SYBU: variants seen among roughly 807,000 people sequenced by gnomAD.
The protein encoded by SYBU is syntabulin.
SYBU carries 21 observed loss-of-function variants against 35.9 expected under a neutral mutation model. That is an observed-to-expected ratio of 0.58 (90% CI 0.41 to 0.84). The LOEUF (loss-of-function observed/expected upper bound fraction) is 0.84. Ranked by LOEUF, SYBU falls within the 40% of genes least tolerant of loss-of-function variation. The probability of loss-of-function intolerance (pLI) is 0.00; values close to 1 mark genes in which losing one functional copy is unlikely to be tolerated. For missense variants in SYBU, 768 were observed against 848.2 expected (o/e 0.91, Z 1.17); for synonymous variants, 319 against 324.3 (o/e 0.98, Z 0.18).
intron 1 of SYBU, among the ~76,000 whole-genome samples, chr8:109,658,212 G>T (rs1199219962): frequency 2.0e-5 from 3 of 152,120 alleles, no homozygotes; most frequent in Non-Finnish European, 4.4e-5. Flanking sequence ...AGGTGGCTCT[G>T]GATTCTCACT....
upstream of SYBU, chr8:109,645,708 G>A (rs1815622265): frequency 4.5e-6 from 1 of 222,986 alleles, no homozygotes; most frequent in African/African-American, 2.3e-5. Context: ...GGCGCGATCA[G>A]GGCTCACTGC....
rs369596657 is a variant in SYBU at position 109,583,713 on chromosome 8, G to A, written c.530+2347C>T. On this transcript the variant is annotated intron_variant, in intron 4 of 6. Coordinates refer to ENST00000276646, the MANE Select transcript of SYBU (RefSeq NM_001099754.2). ...CTCTAGAGGAGCTGCCCCCCCATGC[G>A]TGGCCCTCCAGAACACAAAATTTAT... Among the ~76,000 whole-genome samples the A allele has an allele frequency of 3.2e-4, 48 of 152,296 alleles. 1 individual carries two copies. In the South Asian group the frequency reaches 3.9e-3, roughly 12 times the overall value.
chr8:109,591,993 A>G (rs549092995), intron 3 of SYBU, among the ~76,000 whole-genome samples: 1 of 152,144 alleles, frequency 6.6e-6, no homozygotes, highest in Non-Finnish European at 1.5e-5. Flanking sequence ...CATCCATAAA[A>G]TAGGGATGAG....
intron 4 of SYBU, among the ~76,000 whole-genome samples, chr8:109,583,850 C>T (rs1823317070): frequency 6.6e-6 from 1 of 152,174 alleles, no homozygotes; most frequent in Admixed American, 6.5e-5. Flanking sequence ...TTCTGTTGCC[C>T]AGGACTGGAG....
chr8:109,588,458 G>A (rs1445103284), intron 3 of SYBU, among the ~76,000 whole-genome samples: 1 of 152,160 alleles, frequency 6.6e-6, no homozygotes, highest in Non-Finnish European at 1.5e-5. Flanking sequence ...GAGATTAGAA[G>A]GCACATTCGG....
intron 1 of SYBU, among the ~76,000 whole-genome samples, chr8:109,690,081 A>T (rs1457132660): frequency 6.6e-6 from 1 of 152,234 alleles, no homozygotes; most frequent in African/African-American, 2.4e-5. Context: ...ATATTATTTA[A>T]ATATGTACAG....
intron 4 of SYBU, chr8:109,585,815 G>A (rs1320992117): frequency 1.9e-6 from 1 of 516,602 alleles, no homozygotes; most frequent in East Asian, 3.4e-5. Context: ...AGGAGGAGTG[G>A]GCATAGAGTC....
intron 3 of SYBU, among the ~76,000 whole-genome samples, chr8:109,610,250 T>C (rs776466984): frequency 6.6e-6 from 1 of 152,154 alleles, no homozygotes; most frequent in African/African-American, 2.4e-5. Context: ...GCATCAGCCA[T>C]CTCCCCCACG....
chr8:109,617,580 T>C (rs908482437), intron 3 of SYBU, among the ~76,000 whole-genome samples: 3 of 152,228 alleles, frequency 2.0e-5, no homozygotes, highest in Non-Finnish European at 4.4e-5. Context: ...TAAAATTTCA[T>C]GACATTCTTT....
At chr8:109,674,884 T>C (rs989843032) in intron 1 of SYBU, among the ~76,000 whole-genome samples, 2 of 152,188 alleles carry the variant, frequency 1.3e-5, no homozygotes, top group Non-Finnish European at 2.9e-5. Flanking sequence ...ATAGACCATG[T>C]AATTGGAAGT....
intron 3 of SYBU, chr8:109,608,017 A>T: frequency 6.8e-7 from 1 of 1,478,318 alleles, no homozygotes; most frequent in Non-Finnish European, 9.1e-7. Flanking sequence ...TGTGCAGCTC[A>T]TATCTCAGTA....
intron 1 of SYBU, among the ~76,000 whole-genome samples, chr8:109,670,181 A>G (rs116254920): frequency 0.011 from 1,725 of 152,266 alleles, 11 homozygotes; most frequent in Middle Eastern, 0.051. Context: ...CAACACATAT[A>G]TGTATGCATC....
intron 3 of SYBU, among the ~76,000 whole-genome samples, chr8:109,602,380 G>T (rs1038230653): frequency 1.3e-5 from 2 of 150,486 alleles, no homozygotes; most frequent in Non-Finnish European, 1.5e-5. Context: ...AATCTGATAA[G>T]AATGGATTGA....
intron 1 of SYBU, among the ~76,000 whole-genome samples, chr8:109,662,735 T>C (rs1401261854): frequency 6.6e-6 from 1 of 152,206 alleles, no homozygotes; most frequent in Non-Finnish European, 1.5e-5. Flanking sequence ...ATTGGCTTTC[T>C]TTTACAAACT....
intron 1 of SYBU, among the ~76,000 whole-genome samples, chr8:109,688,430 C>T (rs1390233489): frequency 1.3e-5 from 2 of 152,164 alleles, no homozygotes; most frequent in African/African-American, 4.8e-5. Context: ...GTCTACAAGA[C>T]CACAGAAGCT....
intron 3 of SYBU, among the ~76,000 whole-genome samples, chr8:109,589,704 G>T (rs1449461490): frequency 6.6e-6 from 1 of 152,154 alleles, no homozygotes; most frequent in Admixed American, 6.5e-5. Context: ...ATTAGAAAAG[G>T]AAGGAAAAAT....
chr8:109,615,397 T>C (rs1481083181), intron 3 of SYBU, among the ~76,000 whole-genome samples: 1 of 152,162 alleles, frequency 6.6e-6, no homozygotes, highest in South Asian at 2.1e-4. Context: ...CTGGATTCTA[T>C]AAATTTTAGA....
At chr8:109,668,391 T>C (rs1048096542) in intron 1 of SYBU, among the ~76,000 whole-genome samples, 15 of 152,184 alleles carry the variant, frequency 9.9e-5, no homozygotes, top group African/African-American at 3.6e-4. Context: ...TTTAAAAAAA[T>C]TGACCTGTTC....
At chr8:109,602,653 G>T (rs554479593) in intron 3 of SYBU, among the ~76,000 whole-genome samples, 1 of 152,068 alleles carries the variant, frequency 6.6e-6, no homozygotes, top group South Asian at 2.1e-4. Context: ...GGCTGGTCTC[G>T]AACTCCTGAC....
Sources: gnomAD v4.1 joint callset for allele counts (sites outside exome capture counted in the v4.1 genomes callset) on GRCh38, gnomAD v4.1.1 for gene constraint, MANE v1.5 for transcripts, NCBI Gene and HGNC (gene_info 2026-07-23, HGNC 2026-07-21) for gene names.